TCERG1L: variants seen among roughly 807,000 people sequenced by gnomAD.
TCERG1L encodes transcription elongation regulator 1 like, also known as transcription elongation regulator 1-like protein.
In TCERG1L, 37 loss-of-function variants were observed where a neutral mutation model predicts 56.3. The ratio of observed to expected loss-of-function variants is 0.66; its 90% CI spans 0.51 to 0.87. The LOEUF is 0.87. Among genes scored for constraint, TCERG1L ranks in the 40% least tolerant of loss-of-function variants. The pLI, the probability that TCERG1L is intolerant of heterozygous loss-of-function variation, is 0.00. For synonymous variants in TCERG1L, 324 were observed against 326.3 expected, an observed-to-expected ratio of 0.99 and a Z score of 0.08; for missense variants, 799 against 774.2, an observed-to-expected ratio of 1.03 and a Z score of -0.38.
chr10:131,112,242 G>A (rs1467835845), intron 9 of TCERG1L, among the ~76,000 whole-genome samples: 1 of 142,668 alleles, frequency 7.0e-6, no homozygotes, highest in Non-Finnish European at 1.6e-5. Flanking sequence ...CTGTCCCCGA[G>A]CTCTGTCCAG....
In TCERG1L at chr10:131,118,130, C is replaced by T. The variant is rs1845478222; in HGVS notation, c.1260-1196G>A. 6.6e-6 allele frequency among the ~76,000 whole-genome samples: 1 copy of T among 152,206 alleles called. No individual in the cohort carries two copies. On this transcript the variant is annotated intron_variant, in intron 8 of 11. Transcript: ENST00000368642. This position sits in a 1 kb window ranked among gnomAD's most constrained non-coding sequence, Gnocchi z 4.2. ...CCCACACCTGCCCACGGCATCAGAC[C>T]ACCCATTTGAGAGCTCCCTTATTTT...
rs571507963 is a variant in TCERG1L, at chr10:131,302,678, G to T, written c.670+5533C>A. Among the ~76,000 whole-genome samples, 25 of 144,828 alleles carry T rather than the reference G, an allele frequency of 1.7e-4. 1 individual carries two copies. In the South Asian group the frequency reaches 4.8e-3, roughly 28 times the overall value. On this transcript the variant is annotated intron_variant, in intron 3 of 11. Coordinates refer to ENST00000368642, the MANE Select transcript of TCERG1L (RefSeq NM_174937.4). The stretch of plus-strand genomic sequence containing the variant: ...GTTCTGGGATACATGTGCAGAACTT[G>T]CAGGTTTGTTATATAGGTATACATG...
intron 1 of TCERG1L, among the ~76,000 whole-genome samples, chr10:131,310,042 C>T (rs1349674467): frequency 6.6e-6 from 1 of 152,014 alleles, no homozygotes; most frequent in Non-Finnish European, 1.5e-5. Flanking sequence ...ATCGTAAAAG[C>T]ATTTGTGATG....
At chr10:131,257,366 C>T (rs773545476) in intron 4 of TCERG1L, among the ~76,000 whole-genome samples, 16 of 152,238 alleles carry the variant, frequency 1.1e-4, no homozygotes, top group Non-Finnish European at 1.6e-4. Context: ...GCCCGGTTCA[C>T]GGCTGAATCT....
intron 7 of TCERG1L, among the ~76,000 whole-genome samples, chr10:131,137,831 G>A (rs1364809338): frequency 6.6e-6 from 1 of 152,126 alleles, no homozygotes; most frequent in East Asian, 1.9e-4. Context: ...AAACCAGAGG[G>A]GTTGCCGTGC....
rs1846895458 is a variant in TCERG1L at position 131,311,361 on chromosome 10, G to GGCAGCA, written c.269_274dup (p.Leu90_Leu91dup). The GGCAGCA allele has an allele frequency of 8.3e-7, 1 of 1,200,530 alleles. No homozygotes were observed. Among genetic ancestry groups the GGCAGCA allele is most frequent in the South Asian group, 4.1e-5 (1 of 24,144 alleles). The allele number at this position is 1,200,530 out of a possible 1,614,324, so 74.4% of individuals were successfully genotyped here. On this transcript the variant is annotated inframe_insertion, in exon 1 of 12. Transcript: ENST00000368642. This position sits in a 1 kb window ranked among gnomAD's most constrained non-coding sequence, Gnocchi z 4.0. ...GGCGGAGTCTGGCGCAGAGGGCAGC[G>GGCAGCA]GCAGCAGCGGGAGCACCGGCTCGCT...
chr10:131,208,974 C>T lies in TCERG1L; in HGVS notation c.857-42089G>A, dbSNP rs1373336506. On this transcript the variant is annotated intron_variant, in intron 4 of 11. Coordinates refer to ENST00000368642, the MANE Select transcript of TCERG1L (RefSeq NM_174937.4). ...TCGGGAGGCCGAGGCAGGAGAATGG[C>T]GTGAACCCGGGAGGTGGAGGTTGCA... Among the ~76,000 whole-genome samples the T allele has an allele frequency of 4.0e-5, 6 of 149,798 alleles. No homozygotes were observed. In the East Asian group the frequency reaches 8.0e-4, roughly 20 times the overall value.
At chr10:131,232,850 C>T (rs1479382870) in intron 4 of TCERG1L, among the ~76,000 whole-genome samples, 1 of 152,182 alleles carries the variant, frequency 6.6e-6, no homozygotes, top group Non-Finnish European at 1.5e-5. Flanking sequence ...CACCTGTTTC[C>T]AATCTCTACA....
intron 4 of TCERG1L, among the ~76,000 whole-genome samples, chr10:131,256,720 C>T (rs1846167329): frequency 6.6e-6 from 1 of 151,740 alleles, no homozygotes; most frequent in Admixed American, 6.6e-5. Context: ...CCTGTCTCTA[C>T]TAAAAATACA....
At chr10:131,144,981 A>G (rs2133413437) in intron 7 of TCERG1L, among the ~76,000 whole-genome samples, 1 of 152,352 alleles carries the variant, frequency 6.6e-6, no homozygotes, top group South Asian at 2.1e-4. Flanking sequence ...GATTTGGTCC[A>G]AACAATAGAA....
chr10:131,186,485 C>T (rs181733657), intron 4 of TCERG1L, among the ~76,000 whole-genome samples: 54 of 152,300 alleles, frequency 3.5e-4, no homozygotes, highest in African/African-American at 1.1e-3. Context: ...TAGAAAAGTT[C>T]TGGGAGCTCC....
intron 4 of TCERG1L, among the ~76,000 whole-genome samples, chr10:131,176,713 CACAG>C (rs1347235370): frequency 6.8e-6 from 1 of 146,954 alleles, no homozygotes; most frequent in Non-Finnish European, 1.5e-5. Flanking sequence ...CGTGTACACC[CACAG>C]AGATAGGCAC....
At chr10:131,177,071 CAT>C (rs982486336) in intron 4 of TCERG1L, among the ~76,000 whole-genome samples, 2 of 151,760 alleles carry the variant, frequency 1.3e-5, no homozygotes, top group African/African-American at 2.4e-5. Context: ...CACACAGACA[CAT>C]ACACACACAC....
intron 4 of TCERG1L, among the ~76,000 whole-genome samples, chr10:131,241,371 T>C (rs992629189): frequency 1.2e-4 from 19 of 152,186 alleles, no homozygotes; most frequent in African/African-American, 3.9e-4. Context: ...TGACTCCTGA[T>C]GCCCGGGAAC....
intron 9 of TCERG1L, among the ~76,000 whole-genome samples, chr10:131,106,949 T>C (rs1169918282): frequency 6.6e-6 from 1 of 152,168 alleles, no homozygotes; most frequent in African/African-American, 2.4e-5. Context: ...GCTAGGATTC[T>C]CCTCCACAGA....
chr10:131,278,518 T>C (rs962716992), intron 3 of TCERG1L, among the ~76,000 whole-genome samples: 7 of 151,418 alleles, frequency 4.6e-5, no homozygotes, highest in African/African-American at 1.7e-4. Flanking sequence ...TTTTTTTGTA[T>C]TGTTAGTAGA....
chr10:131,159,266 G>T (rs546427297), intron 6 of TCERG1L, among the ~76,000 whole-genome samples: 10 of 152,152 alleles, frequency 6.6e-5, no homozygotes, highest in African/African-American at 1.9e-4. Flanking sequence ...TGACCTCTCC[G>T]TCTAAGTATT....
intron 10 of TCERG1L, 141 bp downstream of exon 10, chr10:131,104,124 T>C (rs1322518651): frequency 1.7e-6 from 1 of 595,988 alleles, no homozygotes; most frequent in Non-Finnish European, 3.0e-6. Context: ...CTAACTCTTT[T>C]GTTCACAAGC....
intron 4 of TCERG1L, among the ~76,000 whole-genome samples, chr10:131,233,202 C>T (rs980511551): frequency 1.3e-5 from 2 of 151,966 alleles, no homozygotes; most frequent in South Asian, 2.1e-4. Context: ...TCATACATCG[C>T]GAGAGACAGG....
Sources: gnomAD v4.1 joint callset for allele counts (sites outside exome capture counted in the v4.1 genomes callset) on GRCh38, gnomAD v4.1.1 for gene constraint, Gnocchi (gnomAD v3.1) non-coding constraint, MANE v1.5 for transcripts, NCBI Gene and HGNC (gene_info 2026-07-23, HGNC 2026-07-21) for gene names.